Variants in SETBP1 observed in about 807,000 individuals in gnomAD.
SETBP1 encodes the protein SET binding protein 1.
Under a neutral mutation model 101.0 loss-of-function variants are expected in SETBP1, and 9 were observed. The observed-to-expected ratio is 0.09, with a 90% CI of 0.05 to 0.16. SETBP1 has a LOEUF of 0.16. SETBP1 is among the 10% of genes least tolerant of loss of function. The pLI is 1.00. For missense variants in SETBP1, 1,858 were observed against 2,033.8 expected (o/e 0.91, Z 1.66); for synonymous variants, 818 against 788.5 (o/e 1.04, Z -0.63).
At chr18:44,717,519 G>T (rs964556557) in intron 2 of SETBP1, among the ~76,000 whole-genome samples, 1 of 152,184 alleles carries the variant, frequency 6.6e-6, no homozygotes, top group Non-Finnish European at 1.5e-5. Flanking sequence ...CTCTGGCTCT[G>T]CAGGGTCTGC....
chr18:45,012,264 G>A (rs2072854635), intron 4 of SETBP1, among the ~76,000 whole-genome samples: 1 of 152,206 alleles, frequency 6.6e-6, no homozygotes. Flanking sequence ...GAGGCAAAAG[G>A]ATGAAGGGAA....
intron 2 of SETBP1, among the ~76,000 whole-genome samples, chr18:44,744,865 G>A (rs1439995941): frequency 6.6e-6 from 1 of 152,004 alleles, no homozygotes; most frequent in African/African-American, 2.4e-5. Context: ...CCCCTCATTC[G>A]AGGCTTCGAT....
At chr18:44,799,314 C>T (rs1467243712) in intron 2 of SETBP1, among the ~76,000 whole-genome samples, 1 of 152,052 alleles carries the variant, frequency 6.6e-6, no homozygotes, top group Non-Finnish European at 1.5e-5. Context: ...CCTCCACTAG[C>T]CTCCTATGCA....
intron 4 of SETBP1, among the ~76,000 whole-genome samples, chr18:44,993,343 G>A (rs1399131757): frequency 6.6e-6 from 1 of 151,868 alleles, no homozygotes; most frequent in Non-Finnish European, 1.5e-5. Flanking sequence ...AAAATAAAAG[G>A]TTTGGAAAAG....
At chr18:44,985,014 G>A (rs556425012) in intron 4 of SETBP1, among the ~76,000 whole-genome samples, 97 of 152,030 alleles carry the variant, frequency 6.4e-4, no homozygotes, top group East Asian at 3.9e-4. Flanking sequence ...GGTGGCGTGC[G>A]CCTATAATCC....
chr18:44,908,466 T>C (rs1263396106), intron 3 of SETBP1, among the ~76,000 whole-genome samples: 1 of 152,126 alleles, frequency 6.6e-6, no homozygotes, highest in East Asian at 1.9e-4. Context: ...TTCCCCATTA[T>C]ATTATATTAG....
chr18:44,831,631 A>G (rs1361842713), intron 2 of SETBP1, among the ~76,000 whole-genome samples: 1 of 152,242 alleles, frequency 6.6e-6, no homozygotes, highest in African/African-American at 2.4e-5. Flanking sequence ...ATTAAAAAAT[A>G]ATTGTACTTA....
At chr18:44,828,921 A>G (rs529878681) in intron 2 of SETBP1, among the ~76,000 whole-genome samples, 10 of 152,392 alleles carry the variant, frequency 6.6e-5, no homozygotes, top group Non-Finnish European at 1.5e-4. Flanking sequence ...ACACCCTGCT[A>G]TAATCTTGAT....
chr18:44,887,662 G>A (rs909025184), intron 3 of SETBP1, among the ~76,000 whole-genome samples: 2 of 152,246 alleles, frequency 1.3e-5, no homozygotes, highest in East Asian at 1.9e-4. Context: ...AATATCTTCC[G>A]AGTAAGAATA....
At chr18:44,939,216 C>T (rs2071031458) in intron 3 of SETBP1, among the ~76,000 whole-genome samples, 1 of 152,114 alleles carries the variant, frequency 6.6e-6, no homozygotes, top group Non-Finnish European at 1.5e-5. Context: ...GAAACTCCCT[C>T]ATGCCCATGC....
intron 4 of SETBP1, among the ~76,000 whole-genome samples, chr18:44,982,574 A>G (rs894296365): frequency 6.6e-6 from 1 of 152,244 alleles, no homozygotes; most frequent in African/African-American, 2.4e-5. Context: ...TACAAGTAAA[A>G]TAACAGATTT....
chr18:44,746,437 T>C lies in SETBP1; in HGVS notation c.486+44605T>C, dbSNP rs535984141. On this transcript the variant is annotated intron_variant, in intron 2 of 5. Transcript: ENST00000649279. ...CCAGTGAGTGGTTGCCTTCAGGCCA[T>C]GTTCCAAAATGGAGAATACAGGAAA... 2.1e-4 allele frequency among the ~76,000 whole-genome samples: 32 copies of C among 152,360 alleles called. 1 individual carries two copies. In the South Asian group the frequency reaches 6.2e-3, roughly 30 times the overall value.
intron 4 of SETBP1, among the ~76,000 whole-genome samples, chr18:45,010,882 G>A (rs769249480): frequency 8.5e-5 from 13 of 152,152 alleles, no homozygotes; most frequent in Non-Finnish European, 1.6e-4. Flanking sequence ...TGTCATAGCT[G>A]GTGCGGACTT....
chr18:45,040,323 T>TTAG (rs60326856), intron 5 of SETBP1, among the ~76,000 whole-genome samples: 13,530 of 152,108 alleles, frequency 0.089, 793 homozygotes, highest in East Asian at 0.17. Context: ...ACTTGATGGA[T>TTAG]TAGTAGCACC....
intron 3 of SETBP1, among the ~76,000 whole-genome samples, chr18:44,912,012 G>A (rs1414966585): frequency 2.6e-5 from 4 of 151,976 alleles, no homozygotes; most frequent in Non-Finnish European, 5.9e-5. Flanking sequence ...CAGATATAAC[G>A]AAAATGCTAG....
intron 2 of SETBP1, among the ~76,000 whole-genome samples, chr18:44,817,365 C>T (rs1429232938): frequency 6.6e-6 from 1 of 152,044 alleles, no homozygotes; most frequent in Non-Finnish European, 1.5e-5. Flanking sequence ...GTCAGACCAC[C>T]TCCACGCAGA....
In SETBP1 at chr18:44,953,347, CT is replaced by C; in HGVS notation, c.4000+8del. 6.2e-7 allele frequency: 1 copy of C among 1,611,450 alleles called. No individual in the cohort carries two copies. The highest frequency in any genetic ancestry group is 1.1e-5 in the South Asian group (1 of 90,950). Reference sequence around the variant, plus strand: ...GACTCCTCCATGTCTCCAGGTAAGGCTGTTTTTCTTCAGAAATGGATTATCA... The same window carrying C: ...GACTCCTCCATGTCTCCAGGTAAGGCGTTTTTCTTCAGAAATGGATTATCA... On this transcript the variant is annotated splice_region_variant and intron_variant, in intron 4 of 5. Coordinates refer to ENST00000649279, the MANE Select transcript of SETBP1 (RefSeq NM_015559.3).
chr18:44,971,873 T>G (rs1236048507), intron 4 of SETBP1, among the ~76,000 whole-genome samples: 1 of 152,160 alleles, frequency 6.6e-6, no homozygotes, highest in South Asian at 2.1e-4. Context: ...AGAAGCTCTT[T>G]AGTTTAATTA....
intron 3 of SETBP1, among the ~76,000 whole-genome samples, chr18:44,896,106 G>A (rs939263103): frequency 3.9e-5 from 6 of 152,166 alleles, no homozygotes; most frequent in African/African-American, 9.6e-5. Flanking sequence ...TAACTTTGCC[G>A]GTTGTCAGTT....
Sources: gnomAD v4.1 joint callset for allele counts (sites outside exome capture counted in the v4.1 genomes callset) on GRCh38, gnomAD v4.1.1 for gene constraint, MANE v1.5 for transcripts, NCBI Gene and HGNC (gene_info 2026-07-23, HGNC 2026-07-21) for gene names.